The following SORT1 variants were observed in gnomAD, a reference collection of about 807,000 sequenced individuals.
SORT1 encodes sortilin 1, also known as sortilin.
SORT1 carries 39 observed loss-of-function variants against 101.7 expected under a neutral mutation model. That is an observed-to-expected ratio of 0.38 (90% confidence interval 0.30 to 0.50). The LOEUF is 0.50. Among genes scored for constraint, SORT1 ranks in the 20% least tolerant of loss-of-function variants. The pLI is 0.90. For missense variants in SORT1, 878 were observed against 1,040.4 expected, an observed-to-expected ratio of 0.84 and a Z score of 2.15; for synonymous variants, 396 against 393.7, an observed-to-expected ratio of 1.01 and a Z score of -0.07.
At chr1:109,377,607 G>A (rs1557821737) in intron 1 of SORT1, among the ~76,000 whole-genome samples, 1 of 152,148 alleles carries the variant, frequency 6.6e-6, no homozygotes, top group African/African-American at 2.4e-5. Flanking sequence ...TTAACTTCAC[G>A]TAGCTAAACA....
intron 1 of SORT1, among the ~76,000 whole-genome samples, chr1:109,383,079 T>C (rs1021191336): frequency 2.6e-5 from 4 of 152,200 alleles, no homozygotes; most frequent in Non-Finnish European, 5.9e-5. Flanking sequence ...AGAGTCACTG[T>C]AGGTTGGAAA....
intron 11 of SORT1, among the ~76,000 whole-genome samples, chr1:109,329,663 T>C (rs960550572): frequency 6.6e-6 from 1 of 152,182 alleles, no homozygotes; most frequent in African/African-American, 2.4e-5. Flanking sequence ...CAAGAGCATA[T>C]AACATTGGTA....
intron 1 of SORT1, among the ~76,000 whole-genome samples, chr1:109,374,015 G>A (rs1651659484): frequency 6.6e-6 from 1 of 152,112 alleles, no homozygotes; most frequent in Non-Finnish European, 1.5e-5. Context: ...CTTGAGCCCA[G>A]GAGTTTGAGG....
At position 109,323,096 on chromosome 1, in the gene SORT1, C is replaced by T; in HGVS notation, c.1860G>A (p.Trp620Ter). The T allele has an allele frequency of 6.2e-7, 1 of 1,614,004 alleles. No individual in the cohort carries two copies. The highest frequency in any genetic ancestry group is 8.5e-7 in the Non-Finnish European group (1 of 1,179,908). The change falls in exon 15 of 20, where the codon TGG becomes TGA. Residue 620 changes from tryptophan to a stop codon, truncating the protein, a stop_gained. Coordinates refer to ENST00000256637, the MANE Select transcript of SORT1 (RefSeq NM_002959.7). LOFTEE classifies it high-confidence loss of function. ...CTTCAGGGTCTGTGGAGTGTGCCAG[C>T]CATATGGTATAGTCCTTCTCTTCAC... Reference protein sequence around the residue: ...RNCEEKDYTIWLAHSTDPEDY... With the variant: ...RNCEEKDYTI
At chr1:109,350,679 A>G (rs1413539524) in intron 6 of SORT1, among the ~76,000 whole-genome samples, 1 of 152,236 alleles carries the variant, frequency 6.6e-6, no homozygotes, top group Non-Finnish European at 1.5e-5. Context: ...GGCAGGCAGC[A>G]GCAACTCAGT....
At chr1:109,360,457 C>T (rs1343895193) in intron 3 of SORT1, among the ~76,000 whole-genome samples, 2 of 151,956 alleles carry the variant, frequency 1.3e-5, no homozygotes. Context: ...CTTAGCCTCC[C>T]AAGTAGCTAG....
intron 4 of SORT1, 143 bp downstream of exon 4, chr1:109,355,224 T>C: frequency 1.6e-6 from 1 of 614,564 alleles, no homozygotes; most frequent in Non-Finnish European, 2.9e-6. Flanking sequence ...CTTAAAAAAT[T>C]GTGTTTAATT....
At chr1:109,387,998 C>A (rs1368201653) in intron 1 of SORT1, among the ~76,000 whole-genome samples, 2 of 152,106 alleles carry the variant, frequency 1.3e-5, no homozygotes, top group Non-Finnish European at 2.9e-5. Flanking sequence ...ATGATCTCTG[C>A]CTAAACCTAT....
intron 1 of SORT1, among the ~76,000 whole-genome samples, chr1:109,375,740 A>G (rs914190872): frequency 1.3e-5 from 2 of 152,128 alleles, no homozygotes; most frequent in Non-Finnish European, 2.9e-5. Context: ...AAAAGATGAC[A>G]TTACATACAG....
chr1:109,381,455 TAAAA>T (rs1306567312), intron 1 of SORT1, among the ~76,000 whole-genome samples: 3 of 152,156 alleles, frequency 2.0e-5, no homozygotes, highest in African/African-American at 7.2e-5. Context: ...AAAAAAATCT[TAAAA>T]AACCCAAAAC....
At chr1:109,397,469 G>T in intron 1 of SORT1, 118 bp downstream of exon 1, 3 of 689,138 alleles carry the variant, frequency 4.4e-6, no homozygotes, top group Non-Finnish European at 5.5e-6. Flanking sequence ...TGCGGCCCGG[G>T]GGACGCGGGC....
chr1:109,393,796 A>G (rs1007460592), intron 1 of SORT1, among the ~76,000 whole-genome samples: 5 of 152,128 alleles, frequency 3.3e-5, no homozygotes, highest in African/African-American at 1.2e-4. Flanking sequence ...ACACAATGTG[A>G]TATGTTGTAA....
chr1:109,342,030 A>T lies in SORT1; in HGVS notation c.1092T>A (p.His364Gln), dbSNP rs1232260783. The T allele has an allele frequency of 1.9e-6, 3 of 1,613,628 alleles. No homozygotes were observed. The highest frequency in any genetic ancestry group is 2.5e-6 in the Non-Finnish European group (3 of 1,179,956). ...LAANDDMVFM[H>Q]VDEPGDTGFG... ...AGCTCTTACCTCCAGGTTCATCTACATGCATGAATACCATGTCATCATTTG... is the reference window on the plus strand; with the variant it reads ...AGCTCTTACCTCCAGGTTCATCTACTTGCATGAATACCATGTCATCATTTG... The change falls in exon 9 of 20, where the codon CAT becomes CAA. Residue 364 changes from histidine to glutamine, a missense_variant. Transcript: ENST00000256637.
chr1:109,332,996 C>T (rs1440459765), intron 11 of SORT1, among the ~76,000 whole-genome samples: 5 of 152,090 alleles, frequency 3.3e-5, no homozygotes, highest in Admixed American at 6.6e-5. Flanking sequence ...GGTGCGGTCT[C>T]GGCTCACTGC....
chr1:109,323,100 A>C lies in SORT1; in HGVS notation c.1856T>G (p.Ile619Arg). The C allele has an allele frequency of 6.2e-7, 1 of 1,613,958 alleles. No individual in the cohort carries two copies. The highest frequency in any genetic ancestry group is 8.5e-7 in the Non-Finnish European group (1 of 1,179,846). ...ERNCEEKDYT[I>R]WLAHSTDPED... ...AGGGTCTGTGGAGTGTGCCAGCCAT[A>C]TGGTATAGTCCTTCTCTTCACCTAA... The change falls in exon 15 of 20, where the codon ATA becomes AGA. Residue 619 changes from isoleucine to arginine, a missense_variant. By Grantham distance (97) the Ile-to-Arg change is moderately conservative (BLOSUM62 -3). Transcript: ENST00000256637.
Position 109,370,424 on chromosome 1 carries a change from A to G in SORT1, c.307-835T>C, listed in dbSNP as rs533451409. 2.6e-4 allele frequency among the ~76,000 whole-genome samples: 39 copies of G among 152,264 alleles called. No homozygotes were observed. In the East Asian group the frequency reaches 6.8e-3, roughly 26 times the overall value. On this transcript the variant is annotated intron_variant, in intron 1 of 19. Transcript: ENST00000256637. ...CAAGGTTAATATTATATGTATTAAT[A>G]CAATCGTCTGTTCTCTATAATTTTT...
At chr1:109,389,578 T>C (rs1361266746) in intron 1 of SORT1, among the ~76,000 whole-genome samples, 3 of 152,184 alleles carry the variant, frequency 2.0e-5, no homozygotes, top group African/African-American at 7.2e-5. Flanking sequence ...ATTCAAACCA[T>C]TAAGCACATT....
chr1:109,337,935 T>C (rs1002400647), intron 10 of SORT1, among the ~76,000 whole-genome samples: 1 of 152,220 alleles, frequency 6.6e-6, no homozygotes, highest in East Asian at 1.9e-4. Flanking sequence ...GTGAAAACTT[T>C]TGTAAGCCTT....
intron 13 of SORT1, 41 bp from the exon 14 acceptor site, chr1:109,325,130 T>G (rs374922424): frequency 1.4e-6 from 2 of 1,420,688 alleles, no homozygotes; most frequent in African/African-American, 2.8e-5. Flanking sequence ...AGAGGATCAA[T>G]GTGTACTGGG....
Sources: gnomAD v4.1 joint callset for allele counts (sites outside exome capture counted in the v4.1 genomes callset) on GRCh38, gnomAD v4.1.1 for gene constraint, MANE v1.5 for transcripts, NCBI Gene and HGNC (gene_info 2026-07-23, HGNC 2026-07-21) for gene names.